The following CCDC33 variants were observed in gnomAD, a reference collection of about 807,000 sequenced individuals.
CCDC33 encodes coiled-coil domain containing 33.
Under a neutral mutation model 91.9 loss-of-function variants are expected in CCDC33, and 94 were observed. The ratio of observed to expected loss-of-function variants is 1.02; its 90% CI spans 0.87 to 1.21. The LOEUF is 1.21. Among genes scored for constraint, CCDC33 ranks in the 50% most tolerant of loss-of-function variants. The probability of loss-of-function intolerance (pLI) is 0.00; values close to 1 mark genes in which losing one functional copy is unlikely to be tolerated. For synonymous variants in CCDC33, 396 were observed against 374.5 expected, an observed-to-expected ratio of 1.06 and a Z score of -0.66; for missense variants, 940 against 935.5, an observed-to-expected ratio of 1.00 and a Z score of -0.06.
At chr15:74,240,170 A>G (rs1225483815) in intron 1 of CCDC33, among the ~76,000 whole-genome samples, 2 of 152,382 alleles carry the variant, frequency 1.3e-5, no homozygotes, top group Middle Eastern at 3.4e-3. Flanking sequence ...TCATGCCCAG[A>G]ACTGAAACAC....
chr15:74,257,642 G>C (rs557516058), intron 2 of CCDC33, among the ~76,000 whole-genome samples: 5 of 152,316 alleles, frequency 3.3e-5, no homozygotes, highest in Admixed American at 3.3e-4. Flanking sequence ...TCCGAAGTCA[G>C]CACCTGCATC....
In CCDC33 at chr15:74,332,694, C is replaced by T. The variant is rs1567043571; in HGVS notation, c.1787C>T (p.Ser596Leu). The T allele has an allele frequency of 1.2e-6, 2 of 1,614,182 alleles. No individual in the cohort carries two copies. The highest frequency in any genetic ancestry group is 2.2e-5 in the South Asian group (2 of 91,080). Residue 596 changes from serine (S) to leucine (L), a missense_variant, in exon 16 of 19, where the codon TCA becomes TTA. Transcript: ENST00000398814. ...GKPYTGFPMLSASGLPLGSMG... is the reference protein window; with the variant it reads ...GKPYTGFPMLLASGLPLGSMG... ...GTGTCTCTAGGCTTCCCTATGCTCT[C>T]AGCCTCTGGCCTTCCCTTGGGTTCT...
At chr15:74,249,109 T>G (rs1322125564) in intron 2 of CCDC33, among the ~76,000 whole-genome samples, 1 of 152,196 alleles carries the variant, frequency 6.6e-6, no homozygotes, top group African/African-American at 2.4e-5. Flanking sequence ...ACAAGAAGTT[T>G]AGTCTAAAAT....
intron 18 of CCDC33, chr15:74,335,557 C>A: frequency 5.7e-6 from 2 of 349,700 alleles, no homozygotes. Flanking sequence ...CTGCTCACAA[C>A]TGCCCCTCAA....
intron 11 of CCDC33, chr15:74,311,877 A>T (rs2142748938): frequency 6.6e-6 from 1 of 152,358 alleles, no homozygotes; most frequent in Non-Finnish European, 1.5e-5. Flanking sequence ...GAGTGGTCAG[A>T]GAGTGGTGTT....
intron 6 of CCDC33, among the ~76,000 whole-genome samples, chr15:74,272,413 C>T (rs1451843763): frequency 6.6e-6 from 1 of 152,188 alleles, no homozygotes; most frequent in African/African-American, 2.4e-5. Context: ...CTTTGCCACA[C>T]AGTGGGAAAT....
At position 74,335,046 on chromosome 15, in the gene CCDC33, AG is replaced by A. The variant is rs1410508974; in HGVS notation, c.2099del (p.Gly700ValfsTer11). 2 of 1,613,942 alleles carry A rather than the reference AG, an allele frequency of 1.2e-6. No homozygotes were observed. The highest frequency in any genetic ancestry group is 2.7e-5 in the African/African-American group (2 of 74,878). Reference sequence around the variant, plus strand: ...CCACACGGCTGCAGGAGCAAGAAAAAGGTTTCAGGCACCCCTCGAACTCCAT... The same window carrying A: ...CCACACGGCTGCAGGAGCAAGAAAAAGTTTCAGGCACCCCTCGAACTCCAT... Reference protein sequence around the residue: ...LATRLQEQEKGFRHPSNSIII... With the variant: ...LATRLQEQEKXFRHPSNSIII... On this transcript the variant is annotated frameshift_variant, in exon 18 of 19. Coordinates refer to ENST00000398814, the MANE Select transcript of CCDC33 (RefSeq NM_025055.5). LOFTEE classifies it low-confidence loss of function (END_TRUNC).
chr15:74,259,345 G>A (rs919480382), intron 2 of CCDC33, among the ~76,000 whole-genome samples: 11 of 152,112 alleles, frequency 7.2e-5, no homozygotes, highest in Non-Finnish European at 1.2e-4. Context: ...GCCCATCTGC[G>A]GGGTGCAGAA....
chr15:74,214,889 C>T (rs976554958), upstream of CCDC33, among the ~76,000 whole-genome samples: 7 of 152,364 alleles, frequency 4.6e-5, no homozygotes, highest in African/African-American at 1.4e-4. Flanking sequence ...TTCTTCATCA[C>T]TTCATTCATT....
chr15:74,242,797 G>T (rs544081935), intron 1 of CCDC33, among the ~76,000 whole-genome samples: 1 of 152,022 alleles, frequency 6.6e-6, no homozygotes, highest in Non-Finnish European at 1.5e-5. Context: ...ACCCCACCGC[G>T]TTTATATGCC....
intron 2 of CCDC33, among the ~76,000 whole-genome samples, chr15:74,254,634 T>C (rs1566972355): frequency 6.6e-6 from 1 of 152,024 alleles, no homozygotes; most frequent in Non-Finnish European, 1.5e-5. Context: ...CCTGATTTTC[T>C]ACCCTGTCTC....
intron 8 of CCDC33, among the ~76,000 whole-genome samples, chr15:74,280,423 G>A (rs567709863): frequency 6.6e-6 from 1 of 152,340 alleles, no homozygotes; most frequent in Non-Finnish European, 1.5e-5. Flanking sequence ...TCTGCACTGT[G>A]GGATTGAAGC....
intron 2 of CCDC33, among the ~76,000 whole-genome samples, chr15:74,219,527 A>T (rs1043532512): frequency 3.9e-5 from 6 of 152,198 alleles, no homozygotes; most frequent in Admixed American, 3.9e-4. Context: ...ACAGCACCTA[A>T]GCTCAGGGTG....
chr15:74,303,048 A>G (rs1172803967), intron 11 of CCDC33: 2 of 152,316 alleles, frequency 1.3e-5, no homozygotes, highest in African/African-American at 4.8e-5. Flanking sequence ...GGCCGACAGC[A>G]GAGCAGTCAG....
At position 74,273,041 on chromosome 15, in the gene CCDC33, C is replaced by T. The variant is rs547429214; in HGVS notation, c.759+150C>T. ...ATACCCAGTGCTGTGCTCGCCTGTGCGGCAGAGAAACTGCCCTCCAGGAAC... is the reference window on the plus strand; with the variant it reads ...ATACCCAGTGCTGTGCTCGCCTGTGTGGCAGAGAAACTGCCCTCCAGGAAC... On this transcript the variant is annotated intron_variant, in intron 7 of 18. Transcript: ENST00000398814. 6.1e-5 allele frequency: 69 copies of T among 1,125,744 alleles called. 1 individual carries two copies. The highest frequency in any genetic ancestry group is 2.0e-4 in the Middle Eastern group (1 of 4,932). The allele number at this position is 1,125,744 out of a possible 1,614,324, so 69.7% of individuals were successfully genotyped here.
At chr15:74,272,977 C>G (rs1377494272) in intron 7 of CCDC33, 86 bp downstream of exon 7, 2 of 1,529,570 alleles carry the variant, frequency 1.3e-6, no homozygotes, top group African/African-American at 1.4e-5. Context: ...GTCAGCAGTT[C>G]CCTTGACTAT....
At chr15:74,233,052 CTTTCCTACCTAAA>C (rs1396771303), upstream of CCDC33, among the ~76,000 whole-genome samples, 1 of 152,238 alleles carries the variant, frequency 6.6e-6, no homozygotes, top group Non-Finnish European at 1.5e-5. Flanking sequence ...GAAATGTCCC[CTTTCCTACCTAAA>C]TCCAATGTGT....
At chr15:74,246,533 A>G (rs2075534778) in intron 2 of CCDC33, among the ~76,000 whole-genome samples, 1 of 152,254 alleles carries the variant, frequency 6.6e-6, no homozygotes, top group Non-Finnish European at 1.5e-5. Flanking sequence ...CATTTTTCCA[A>G]CAAAGAAATA....
chr15:74,330,844 C>A, intron 13 of CCDC33, 93 bp downstream of exon 13: 1 of 1,508,462 alleles, frequency 6.6e-7, no homozygotes, highest in Non-Finnish European at 9.1e-7. Flanking sequence ...AGAACAGGCA[C>A]AGAGGGAATG....
Sources: gnomAD v4.1 joint callset for allele counts (sites outside exome capture counted in the v4.1 genomes callset) on GRCh38, gnomAD v4.1.1 for gene constraint, MANE v1.5 for transcripts, NCBI Gene and HGNC (gene_info 2026-07-23, HGNC 2026-07-21) for gene names.